THSD4: variants seen among roughly 807,000 people sequenced by gnomAD.
THSD4 encodes the protein thrombospondin type-1 domain-containing protein 4.
In THSD4, 69 loss-of-function variants were observed where a neutral mutation model predicts 119.0. The observed-to-expected ratio is 0.58, with a 90% CI of 0.48 to 0.71. The LOEUF is 0.71. THSD4 is among the 30% of genes least tolerant of loss of function. The pLI is 0.00. For synonymous variants in THSD4, 524 were observed against 540.4 expected, an observed-to-expected ratio of 0.97 and a Z score of 0.42; for missense variants, 1,393 against 1,391.1, an observed-to-expected ratio of 1.00 and a Z score of -0.02.
chr15:71,380,879 G>A (rs1401009598), intron 6 of THSD4, among the ~76,000 whole-genome samples: 1 of 152,072 alleles, frequency 6.6e-6, no homozygotes, highest in Non-Finnish European at 1.5e-5. Context: ...ATTATATTAT[G>A]CATTCCTTTC....
In THSD4 at chr15:71,747,219, G is replaced by A. The variant is rs183767612; in HGVS notation, c.2241+177G>A. Among the ~76,000 whole-genome samples, 507 of 152,276 alleles carry A rather than the reference G, an allele frequency of 3.3e-3. 2 individuals are homozygous for A. Among genetic ancestry groups the A allele is most frequent in the Non-Finnish European group, 5.3e-3 (360 of 68,034 alleles). On this transcript the variant is annotated intron_variant, in intron 13 of 17. Coordinates refer to ENST00000261862, the MANE Select transcript of THSD4 (RefSeq NM_024817.3). ...CAGGATGTACCAATAGTTCAATAGA[G>A]TTCAGGGTAGTGTGTGCCACCCACA...
At position 71,215,358 on chromosome 15, in the gene THSD4, G is replaced by A. The variant is rs1166669532; in HGVS notation, c.423G>A (p.Arg141=). The A allele has an allele frequency of 3.9e-6, 6 of 1,532,208 alleles. No individual in the cohort carries two copies. In the Admixed American group the frequency reaches 1.2e-4, roughly 30 times the overall value. The allele number at this position is 1,532,208 out of a possible 1,614,324, so 94.9% of individuals were successfully genotyped here. The part of the protein sequence containing the change: ...RQGPTVLRGS[R]HPQPQGLEVT... ...GCCCCACGGTGCTGCGAGGCAGCCG[G>A]CACCCACAGCCCCAGGGCCTCGAAG... The change falls in exon 4 of 18, where the codon CGG becomes CGA. Residue 141 remains arginine (R), a synonymous_variant. Coordinates refer to ENST00000261862, the MANE Select transcript of THSD4 (RefSeq NM_024817.3).
chr15:71,301,626 C>T (rs903461715), intron 6 of THSD4, among the ~76,000 whole-genome samples: 1 of 152,184 alleles, frequency 6.6e-6, no homozygotes, highest in African/African-American at 2.4e-5. Context: ...TCTGGGCTGT[C>T]CTTTCTCCAG....
intron 7 of THSD4, among the ~76,000 whole-genome samples, chr15:71,477,977 G>A (rs10162943): frequency 6.6e-6 from 1 of 151,934 alleles, no homozygotes; most frequent in African/African-American, 2.4e-5. Flanking sequence ...GGGAGGTGGT[G>A]TGCTCAAGCC....
intron 6 of THSD4, among the ~76,000 whole-genome samples, chr15:71,377,051 A>C (rs1009192961): frequency 6.6e-6 from 1 of 152,200 alleles, no homozygotes; most frequent in African/African-American, 2.4e-5. Context: ...CTGATGTGGC[A>C]CTGATTGTGG....
At chr15:71,438,075 G>A (rs61084005) in intron 7 of THSD4, among the ~76,000 whole-genome samples, 1 of 152,108 alleles carries the variant, frequency 6.6e-6, no homozygotes, top group Non-Finnish European at 1.5e-5. Context: ...CTTCACTTAC[G>A]TGCCCTAAGC....
intron 8 of THSD4, among the ~76,000 whole-genome samples, chr15:71,694,340 C>T (rs1457063109): frequency 2.0e-5 from 3 of 152,118 alleles, no homozygotes; most frequent in Non-Finnish European, 2.9e-5. Context: ...TAGCATTTTT[C>T]ACTTGCCTCT....
At chr15:71,517,415 T>C (rs1197005950) in intron 7 of THSD4, among the ~76,000 whole-genome samples, 1 of 152,232 alleles carries the variant, frequency 6.6e-6, no homozygotes, top group Admixed American at 6.6e-5. Context: ...ACTTTCATTC[T>C]AGCCCTCAGT....
intron 6 of THSD4, among the ~76,000 whole-genome samples, chr15:71,394,805 T>G (rs1379287993): frequency 6.6e-6 from 1 of 152,224 alleles, no homozygotes; most frequent in East Asian, 1.9e-4. Context: ...TTGCTACAAT[T>G]TGGCGTTTAT....
chr15:71,154,728 C>T, intron 2 of THSD4, 135 bp from the exon 3 acceptor site: 1 of 834,780 alleles, frequency 1.2e-6, no homozygotes, highest in Non-Finnish European at 2.0e-6. Flanking sequence ...TTTGTGTCTT[C>T]ACTGGGTCAC....
intron 7 of THSD4, among the ~76,000 whole-genome samples, chr15:71,578,679 C>T (rs867532240): frequency 4.0e-5 from 6 of 151,732 alleles, no homozygotes; most frequent in Middle Eastern, 3.2e-3. Context: ...TGGCCTACGA[C>T]GAGCAGGTAA....
chr15:71,636,169 C>A (rs2050735005), intron 7 of THSD4, among the ~76,000 whole-genome samples: 1 of 152,198 alleles, frequency 6.6e-6, no homozygotes, highest in South Asian at 2.1e-4. Flanking sequence ...CACCTATAAT[C>A]CCAGAACTTT....
intron 7 of THSD4, among the ~76,000 whole-genome samples, chr15:71,488,789 C>T (rs4131758): frequency 0.087 from 13,311 of 152,168 alleles, 656 homozygotes; most frequent in Middle Eastern, 0.16. Context: ...TACTATTCCC[C>T]GCCCCTTTCC....
intron 1 of THSD4, among the ~76,000 whole-genome samples, chr15:71,138,890 G>A (rs189965587): frequency 2.6e-5 from 4 of 151,772 alleles, no homozygotes; most frequent in African/African-American, 9.7e-5. Context: ...GTGTGTGTGT[G>A]TGTTTGTGTT....
At chr15:71,736,557 GTC>G (rs963299897) in intron 10 of THSD4, among the ~76,000 whole-genome samples, 16 of 147,990 alleles carry the variant, frequency 1.1e-4, no homozygotes, top group African/African-American at 3.8e-4. Context: ...CTCTCTCGCT[GTC>G]TCTCTTTCTT....
At chr15:71,485,760 A>G (rs1243196034) in intron 7 of THSD4, among the ~76,000 whole-genome samples, 2 of 152,098 alleles carry the variant, frequency 1.3e-5, no homozygotes, top group Non-Finnish European at 2.9e-5. Flanking sequence ...ACAAATATTT[A>G]CTGGTAAATA....
chr15:71,370,341 T>C (rs1692532380), intron 6 of THSD4, among the ~76,000 whole-genome samples: 1 of 152,194 alleles, frequency 6.6e-6, no homozygotes, highest in Admixed American at 6.5e-5. Context: ...ATGTGTTTGC[T>C]CTTGCTTCTC....
intron 3 of THSD4, among the ~76,000 whole-genome samples, chr15:71,161,878 C>A (rs1292240063): frequency 6.6e-6 from 1 of 151,504 alleles, no homozygotes; most frequent in Admixed American, 6.6e-5. Context: ...AGCTTTGTTT[C>A]TTTTCTCATG....
chr15:71,619,774 A>C (rs930856786), intron 7 of THSD4, among the ~76,000 whole-genome samples: 1 of 152,248 alleles, frequency 6.6e-6, no homozygotes, highest in African/African-American at 2.4e-5. Flanking sequence ...GGTAGGTGGA[A>C]ATAAATGCAT....
Sources: gnomAD v4.1 joint callset for allele counts (sites outside exome capture counted in the v4.1 genomes callset) on GRCh38, gnomAD v4.1.1 for gene constraint, MANE v1.5 for transcripts, NCBI Gene and HGNC (gene_info 2026-07-23, HGNC 2026-07-21) for gene names.